HPSE2: variants seen among roughly 807,000 people sequenced by gnomAD.
HPSE2 encodes the protein heparanase 2 (inactive), also known as inactive heparanase-2.
HPSE2 carries 38 observed loss-of-function variants against 60.5 expected under a neutral mutation model. That is an observed-to-expected ratio of 0.63 (90% CI 0.48 to 0.82). The LOEUF (loss-of-function observed/expected upper bound fraction) is 0.82, where lower values mean the gene tolerates loss of function less well. HPSE2 is among the 40% of genes least tolerant of loss of function. HPSE2 has a pLI of 0.00. For synonymous variants in HPSE2, 295 were observed against 293.2 expected, an observed-to-expected ratio of 1.01 and a Z score of -0.06; for missense variants, 713 against 740.4, an observed-to-expected ratio of 0.96 and a Z score of 0.43.
chr10:99,124,792 C>T (rs1589694965), intron 3 of HPSE2, among the ~76,000 whole-genome samples: 2 of 152,362 alleles, frequency 1.3e-5, no homozygotes, highest in East Asian at 3.9e-4. Context: ...CCGCAGCCAT[C>T]ACTGGGCAGC....
chr10:99,263,287 CT>C, the HPSE2 span, among the ~76,000 whole-genome samples: 1 of 152,142 alleles, frequency 6.6e-6, no homozygotes, highest in Non-Finnish European at 1.5e-5. Flanking sequence ...TGCTCTGCCC[CT>C]CTCCACTACC....
At chr10:99,054,282 T>C (rs1234480901) in intron 3 of HPSE2, among the ~76,000 whole-genome samples, 1 of 152,172 alleles carries the variant, frequency 6.6e-6, no homozygotes, top group African/African-American at 2.4e-5. Flanking sequence ...AACAGAGATA[T>C]TAGAAGAAAA....
intron 3 of HPSE2, among the ~76,000 whole-genome samples, chr10:98,971,404 AT>A (rs1306636860): frequency 6.6e-6 from 1 of 151,744 alleles, no homozygotes; most frequent in Non-Finnish European, 1.5e-5. Flanking sequence ...TCTCTCTTTC[AT>A]TTTTTAATTC....
chr10:99,143,755 G>A (rs775762017), intron 3 of HPSE2, among the ~76,000 whole-genome samples: 1 of 152,112 alleles, frequency 6.6e-6, no homozygotes, highest in East Asian at 1.9e-4. Flanking sequence ...AAGGGAGCAC[G>A]GCTCAGTCTC....
intron 3 of HPSE2, among the ~76,000 whole-genome samples, chr10:99,002,796 G>A (rs184900651): frequency 2.7e-4 from 41 of 151,900 alleles, no homozygotes; most frequent in African/African-American, 7.5e-4. Context: ...TACAAAATAC[G>A]TATACAAAAT....
At chr10:98,771,284 T>C (rs574295084) in intron 3 of HPSE2, among the ~76,000 whole-genome samples, 9 of 152,298 alleles carry the variant, frequency 5.9e-5, no homozygotes, top group African/African-American at 2.2e-4. Context: ...TCTGTTATGC[T>C]ATCAGGGCTA....
chr10:98,838,549 C>T (rs1433981854), intron 3 of HPSE2, among the ~76,000 whole-genome samples: 3 of 151,402 alleles, frequency 2.0e-5, no homozygotes, highest in South Asian at 2.1e-4. Flanking sequence ...ATCAGTCCCC[C>T]GAGTAGCTGT....
At chr10:98,808,339 A>C (rs556178929) in intron 3 of HPSE2, among the ~76,000 whole-genome samples, 4 of 152,292 alleles carry the variant, frequency 2.6e-5, no homozygotes, top group African/African-American at 9.6e-5. Context: ...CAAGACAAAG[A>C]GTGATTATTC....
intron 3 of HPSE2, among the ~76,000 whole-genome samples, chr10:98,978,577 C>T (rs2135290774): frequency 6.6e-6 from 1 of 152,276 alleles, no homozygotes; most frequent in South Asian, 2.1e-4. Context: ...TTACTTACTT[C>T]AGCTTCTATA....
At chr10:98,673,354 T>C (rs1302375529) in intron 6 of HPSE2, among the ~76,000 whole-genome samples, 5 of 152,160 alleles carry the variant, frequency 3.3e-5, no homozygotes, top group Admixed American at 6.5e-5. Context: ...AGGCAAACCA[T>C]AAAAATACCT....
At chr10:98,681,465 G>A (rs1287982012) in intron 6 of HPSE2, among the ~76,000 whole-genome samples, 2 of 152,058 alleles carry the variant, frequency 1.3e-5, no homozygotes, top group African/African-American at 4.8e-5. Flanking sequence ...ATGGGTAAAA[G>A]GTCTATTCCA....
At chr10:98,676,919 C>CT (rs11299882) in intron 6 of HPSE2, among the ~76,000 whole-genome samples, 60 of 145,002 alleles carry the variant, frequency 4.1e-4, no homozygotes, top group African/African-American at 7.7e-4. Context: ...CATTTTCTCT[C>CT]TTTTTTTTTT....
chr10:98,646,449 T>C (rs563888424), intron 6 of HPSE2, among the ~76,000 whole-genome samples: 2 of 152,164 alleles, frequency 1.3e-5, no homozygotes, highest in East Asian at 3.9e-4. Flanking sequence ...ATACCACAAG[T>C]CGTCGAGCTG....
intron 3 of HPSE2, among the ~76,000 whole-genome samples, chr10:99,116,267 A>G (rs1364545462): frequency 6.6e-6 from 1 of 152,070 alleles, no homozygotes; most frequent in African/African-American, 2.4e-5. Flanking sequence ...GTGAATCAAT[A>G]TACTATGTGG....
Position 99,232,830 on chromosome 10 carries a change from A to C in HPSE2, c.291-325T>G, listed in dbSNP as rs537796932. 9.8e-5 allele frequency among the ~76,000 whole-genome samples: 15 copies of C among 152,364 alleles called. No homozygotes were observed. In the South Asian group the frequency reaches 2.9e-3, roughly 29 times the overall value. On this transcript the variant is annotated intron_variant, in intron 1 of 11. Transcript: ENST00000370552. ...TTTGTATGGGGTGGGTGTACGTGCT[A>C]CGAGCACGGCGCTAAAGCGCAGTTG...
At chr10:98,598,160 CT>C (rs554804183) in intron 9 of HPSE2, among the ~76,000 whole-genome samples, 37 of 151,496 alleles carry the variant, frequency 2.4e-4, no homozygotes, top group Non-Finnish European at 3.8e-4. Flanking sequence ...TACCTGTTGC[CT>C]TAGGTTGATA....
intron 4 of HPSE2, among the ~76,000 whole-genome samples, chr10:98,727,453 C>T (rs1007441974): frequency 1.3e-5 from 2 of 152,080 alleles, no homozygotes; most frequent in African/African-American, 4.8e-5. Context: ...GATTTTAAGA[C>T]CAGCCTGGCC....
intron 9 of HPSE2, among the ~76,000 whole-genome samples, chr10:98,517,213 C>T (rs141158711): frequency 0.04 from 5,959 of 149,616 alleles, 382 homozygotes; most frequent in African/African-American, 0.14. Flanking sequence ...GGGGGCGAGG[C>T]GAGGGGGTGC....
chr10:98,572,133 G>C (rs1473355965), intron 9 of HPSE2, among the ~76,000 whole-genome samples: 1 of 151,916 alleles, frequency 6.6e-6, no homozygotes, highest in Non-Finnish European at 1.5e-5. Flanking sequence ...TAGAGATGAG[G>C]TTTCACTATG....
Sources: gnomAD v4.1 joint callset for allele counts (sites outside exome capture counted in the v4.1 genomes callset) on GRCh38, gnomAD v4.1.1 for gene constraint, MANE v1.5 for transcripts, NCBI Gene and HGNC (gene_info 2026-07-23, HGNC 2026-07-21) for gene names.